The following SMTN variants were observed in gnomAD, a reference collection of about 807,000 sequenced individuals.
SMTN encodes smoothelin.
In SMTN, 58 loss-of-function variants were observed where a neutral mutation model predicts 102.0. The ratio of observed to expected loss-of-function variants is 0.57; its 90% confidence interval spans 0.46 to 0.71. The LOEUF is 0.71. Ranked by LOEUF, SMTN falls within the 30% of genes least tolerant of loss-of-function variation. The probability of loss-of-function intolerance (pLI) is 0.00; values close to 1 mark genes in which losing one functional copy is unlikely to be tolerated. For synonymous variants in SMTN, 478 were observed against 497.9 expected, an observed-to-expected ratio of 0.96 and a Z score of 0.53; for missense variants, 1,185 against 1,241.7, an observed-to-expected ratio of 0.95 and a Z score of 0.69.
chr22:31,082,773 CT>C, intron 1 of SMTN: 1 of 1,268,800 alleles, frequency 7.9e-7, no homozygotes, highest in Non-Finnish European at 1.1e-6. Flanking sequence ...TGGGTGGGGG[CT>C]GGGTAGGCCC....
chr22:31,085,290 G>A (rs530930829), intron 2 of SMTN: 1 of 1,494,936 alleles, frequency 6.7e-7, no homozygotes, highest in East Asian at 2.7e-5. Flanking sequence ...GCGCGAGGCA[G>A]GGTGGGCGAG....
At chr22:31,100,705 G>C (rs1159146305) in intron 19 of SMTN, among the ~76,000 whole-genome samples, 180 bp from the exon 20 acceptor site, 1 of 152,180 alleles carries the variant, frequency 6.6e-6, no homozygotes, top group Non-Finnish European at 1.5e-5. Flanking sequence ...CATGCGGGGG[G>C]CTGGCAGACT....
upstream of SMTN, among the ~76,000 whole-genome samples, chr22:31,078,739 C>T (rs1254786320): frequency 2.0e-5 from 3 of 152,090 alleles, no homozygotes; most frequent in African/African-American, 4.8e-5. Context: ...ATTAGCTGGG[C>T]GTGGTGGTGT....
At chr22:31,075,017 G>C (rs2042095896) in intron 1 of SMTN, among the ~76,000 whole-genome samples, 2 of 152,144 alleles carry the variant, frequency 1.3e-5, no homozygotes, top group Admixed American at 6.5e-5. Context: ...GAGAAAACAA[G>C]AGCCTCAGGC....
At position 31,104,554 on chromosome 22, in the gene SMTN, C is replaced by A; in HGVS notation, c.*259C>A. 1.4e-6 allele frequency: 2 copies of A among 1,382,178 alleles called. No homozygotes were observed. Among genetic ancestry groups the A allele is most frequent in the Non-Finnish European group, 2.0e-6 (2 of 990,000 alleles). 85.6% of individuals were successfully genotyped at this position (1,382,178 alleles called of 1,614,324 possible). ...CTGCCTGTGCGTCCGCCCACCGCTG[C>A]CCTGTCTGTTGCGACACCCTCCCCC... On this transcript the variant is annotated 3_prime_UTR_variant, in exon 21 of 21. Coordinates refer to ENST00000333137, the MANE Select transcript of SMTN (RefSeq NM_134269.3).
In SMTN at chr22:31,091,814, C is replaced by G; in HGVS notation, c.1599C>G (p.Ala533=). 6.2e-7 allele frequency: 1 copy of G among 1,603,446 alleles called. No individual in the cohort carries two copies. Among genetic ancestry groups the G allele is most frequent in the Non-Finnish European group, 8.5e-7 (1 of 1,174,416 alleles). The part of the protein sequence containing the change: ...SVTHVTSFSH[A]PPSSRGGCSI... ...CTCATGTCACCAGCTTCAGCCATGC[C>G]CCCCCCAGTAGCCGAGGAGGCTGCA... Residue 533 remains alanine (A), a synonymous_variant, in exon 11 of 21, where the codon GCC becomes GCG. Transcript: ENST00000333137.
chr22:31,091,037 A>G lies in SMTN; in HGVS notation c.1014A>G (p.Thr338=). 1.2e-6 allele frequency: 2 copies of G among 1,613,914 alleles called. No homozygotes were observed. Among genetic ancestry groups the G allele is most frequent in the East Asian group, 2.2e-5 (1 of 44,854 alleles). ...TGCGGGATCGTGTCCACAAGTTCAC[A>G]TCTGATTCTCCTATGGCTGCTAGGC... ...GSVRDRVHKF[T]SDSPMAARLQ... is the part of the protein sequence containing the mutation. Residue 338 remains threonine (T), a synonymous_variant, in exon 10 of 21, where the codon ACA becomes ACG. Transcript: ENST00000333137.
chr22:31,104,153 T>C, intron 20 of SMTN, 163 bp from the exon 21 acceptor site: 1 of 735,456 alleles, frequency 1.4e-6, no homozygotes, highest in Non-Finnish European at 2.2e-6. Flanking sequence ...CAGGCTTGGG[T>C]AGATGAAGCC....
intron 2 of SMTN, chr22:31,084,927 C>G: frequency 7.4e-7 from 1 of 1,342,790 alleles, no homozygotes; most frequent in Admixed American, 3.7e-5. Context: ...GCGTCCCGAG[C>G]CGGGCTCCTC....
At position 31,098,724 on chromosome 22, in the gene SMTN, G is replaced by A; in HGVS notation, c.2217G>A (p.Glu739=). 6.2e-7 allele frequency: 1 copy of A among 1,613,486 alleles called. No homozygotes were observed. Among genetic ancestry groups the A allele is most frequent in the South Asian group, 1.1e-5 (1 of 91,082 alleles). ...SPRAGSLAAL[E]KRQAEKKKEL... is the part of the protein sequence containing the mutation. ...GGGCCGGCAGCCTGGCGGCGCTCGA[G>A]AAACGGCAGGCCGAGAAGAAGAAAG... Residue 739 remains glutamate, a synonymous_variant, in exon 17 of 21, where the codon GAG becomes GAA. Coordinates refer to ENST00000333137, the MANE Select transcript of SMTN (RefSeq NM_134269.3).
In SMTN at chr22:31,081,324, T is replaced by TTG. The variant is rs2147531038; in HGVS notation, c.-213_-212insTG. 6.6e-6 allele frequency: 1 copy of TTG among 152,186 alleles called. No homozygotes were observed. Among genetic ancestry groups the TTG allele is most frequent in the East Asian group, 1.9e-4 (1 of 5,154 alleles). 9.4% of individuals were successfully genotyped at this position (152,186 alleles called of 1,614,324 possible). Reference sequence around the variant, plus strand: ...GCTGGACGGGCAGCTCTCCGCAGAATCCAGGGGACGGTTGCTGAGCGGGCC... The same window carrying TTG: ...GCTGGACGGGCAGCTCTCCGCAGAATTGCCAGGGGACGGTTGCTGAGCGGGCC... On this transcript the variant is annotated 5_prime_UTR_variant, in exon 1 of 21. Coordinates refer to ENST00000333137, the MANE Select transcript of SMTN (RefSeq NM_134269.3).
chr22:31,085,358 C>T, intron 2 of SMTN: 1 of 1,362,548 alleles, frequency 7.3e-7, no homozygotes, highest in Non-Finnish European at 9.7e-7. Flanking sequence ...CTTCAGCGCC[C>T]CCTGGCGAGG....
At chr22:31,102,938 G>A (rs945677639) in intron 20 of SMTN, 4 of 152,244 alleles carry the variant, frequency 2.6e-5, no homozygotes, top group Admixed American at 6.5e-5. Context: ...ATCAGCAGCA[G>A]ACCCAGAACC....
Position 31,090,791 on chromosome 22 carries a change from C to T in SMTN, c.866-17C>T. On this transcript the variant is annotated splice_polypyrimidine_tract_variant and intron_variant, in intron 8 of 20. Coordinates refer to ENST00000333137, the MANE Select transcript of SMTN (RefSeq NM_134269.3). ...CTCTTTCCCCACATGGCCATCACCC[C>T]CTCCCCAACCTGCCAGACGTGGCTG... 6.2e-7 allele frequency: 1 copy of T among 1,606,014 alleles called. No individual in the cohort carries two copies. Among genetic ancestry groups the T allele is most frequent in the Non-Finnish European group, 8.5e-7 (1 of 1,172,816 alleles).
chr22:31,075,866 G>A (rs1353519723), intron 1 of SMTN, among the ~76,000 whole-genome samples: 2 of 152,092 alleles, frequency 1.3e-5, no homozygotes, highest in Non-Finnish European at 2.9e-5. Context: ...ACAAGGCCTC[G>A]CTCTGTCGCC....
chr22:31,093,852 C>T (rs746455627), intron 11 of SMTN: 31 of 1,582,554 alleles, frequency 2.0e-5, no homozygotes, highest in South Asian at 4.6e-5. Flanking sequence ...GCTCCTCCAC[C>T]GGCACCACCC....
At chr22:31,085,662 C>T (rs2147605856) in intron 2 of SMTN, among the ~76,000 whole-genome samples, 1 of 152,388 alleles carries the variant, frequency 6.6e-6, no homozygotes, top group African/African-American at 2.4e-5. Flanking sequence ...TCCCTCCCTC[C>T]CACAGCTCCC....
At chr22:31,093,253 G>A (rs2043273478) in intron 11 of SMTN, 9 of 262,574 alleles carry the variant, frequency 3.4e-5, no homozygotes, top group Admixed American at 5.0e-5. Context: ...CCCCTTCCAC[G>A]GAGGAGCCCA....
At chr22:31,089,273 TGA>T (rs2042937096) in intron 6 of SMTN, among the ~76,000 whole-genome samples, 1 of 152,046 alleles carries the variant, frequency 6.6e-6, no homozygotes, top group Non-Finnish European at 1.5e-5. Flanking sequence ...AGAGTGTGGG[TGA>T]GAGGTCAGGC....
Sources: gnomAD v4.1 joint callset for allele counts (sites outside exome capture counted in the v4.1 genomes callset) on GRCh38, gnomAD v4.1.1 for gene constraint, MANE v1.5 for transcripts, NCBI Gene and HGNC (gene_info 2026-07-23, HGNC 2026-07-21) for gene names.